The following HSD17B13 variants were observed in gnomAD, a reference collection of about 807,000 sequenced individuals.
HSD17B13 encodes hydroxysteroid 17-beta dehydrogenase 13.
A neutral mutation model predicts 31.1 loss-of-function variants in HSD17B13; 26 were observed. That is an observed-to-expected ratio of 0.84 (90% CI 0.61 to 1.16). The LOEUF is 1.16. Among genes scored for constraint, HSD17B13 ranks in the 50% most tolerant of loss-of-function variants. The probability of loss-of-function intolerance (pLI) is 0.00; values close to 1 mark genes in which losing one functional copy is unlikely to be tolerated. For synonymous variants in HSD17B13, 141 were observed against 133.7 expected (o/e 1.05, Z -0.38); for missense variants, 374 against 366.5 (o/e 1.02, Z -0.17).
At chr4:87,306,462 T>C (rs925471706) in intron 6 of HSD17B13, among the ~76,000 whole-genome samples, 3 of 152,194 alleles carry the variant, frequency 2.0e-5, no homozygotes, top group East Asian at 1.9e-4. Flanking sequence ...TAGGCTAAAA[T>C]GGTCATCTTA....
At chr4:87,310,492 G>T in intron 5 of HSD17B13, 133 bp from the exon 6 acceptor site, 1 of 1,060,488 alleles carries the variant, frequency 9.4e-7, no homozygotes, top group South Asian at 3.4e-5. Flanking sequence ...AGGATTTGCT[G>T]CATTAATGCC....
intron 5 of HSD17B13, among the ~76,000 whole-genome samples, chr4:87,312,254 T>C (rs1734545908): frequency 6.6e-6 from 1 of 152,190 alleles, no homozygotes; most frequent in African/African-American, 2.4e-5. Flanking sequence ...TATTGCATAC[T>C]TATTAAGTAC....
chr4:87,313,851 T>G lies in HSD17B13; in HGVS notation c.667A>C (p.Thr223Pro). 6.2e-7 allele frequency: 1 copy of G among 1,612,716 alleles called. No individual in the cohort carries two copies. The highest frequency in any genetic ancestry group is 8.5e-7 in the Non-Finnish European group (1 of 1,179,372). Residue 223 changes from threonine (T) to proline (P), a missense_variant, in exon 5 of 7, where the codon ACT becomes CCT. By Grantham distance (38) the Thr-to-Pro change is conservative. Coordinates refer to ENST00000328546, the MANE Select transcript of HSD17B13 (RefSeq NM_178135.5). ...TSCLCPVFVNTGFTKNPSTRL... is the reference protein window; with the variant it reads ...TSCLCPVFVNPGFTKNPSTRL... The stretch of plus-strand genomic sequence containing the variant: ...GTGCTTGGATTTTTGGTGAACCCAG[T>G]ATTCACAAAAACTGGGCAGAGACAT...
chr4:87,309,581 A>G (rs1045934763), intron 6 of HSD17B13, among the ~76,000 whole-genome samples: 1 of 152,122 alleles, frequency 6.6e-6, no homozygotes. Flanking sequence ...ATACTCCCCA[A>G]TTGCTCTATA....
chr4:87,317,562 A>ACTTTTTTTTTTTTT (rs1560750193), intron 2 of HSD17B13, among the ~76,000 whole-genome samples: 1 of 61,022 alleles, frequency 1.6e-5, no homozygotes, highest in African/African-American at 9.9e-5. Context: ...TTTTCTTTAA[A>ACTTTTTTTTTTTTT]CTTTTTTTTT....
intron 2 of HSD17B13, among the ~76,000 whole-genome samples, chr4:87,317,562 A>ATTTTTT (rs1560750190): frequency 1.6e-5 from 1 of 61,042 alleles, no homozygotes; most frequent in African/African-American, 9.8e-5. Flanking sequence ...TTTTCTTTAA[A>ATTTTTT]CTTTTTTTTT....
chr4:87,311,589 T>C (rs1395638152), intron 5 of HSD17B13, among the ~76,000 whole-genome samples: 1 of 152,152 alleles, frequency 6.6e-6, no homozygotes, highest in Non-Finnish European at 1.5e-5. Context: ...TGAGAAATAT[T>C]CATAAACATA....
chr4:87,316,664 C>T (rs761222677), intron 3 of HSD17B13, among the ~76,000 whole-genome samples: 8 of 152,196 alleles, frequency 5.3e-5, no homozygotes, highest in Middle Eastern at 3.2e-3. Flanking sequence ...ATCCTATATA[C>T]ATCCAAGTAA....
chr4:87,306,700 T>C (rs1734395426), intron 6 of HSD17B13, among the ~76,000 whole-genome samples: 1 of 150,366 alleles, frequency 6.7e-6, no homozygotes, highest in African/African-American at 2.5e-5. Flanking sequence ...AGGTCAGGAG[T>C]TCGAGACCAG....
At chr4:87,311,159 A>T (rs1256542233) in intron 5 of HSD17B13, among the ~76,000 whole-genome samples, 2 of 152,276 alleles carry the variant, frequency 1.3e-5, no homozygotes, top group African/African-American at 2.4e-5. Flanking sequence ...TATATGGCCT[A>T]AAAAGGGGAG....
chr4:87,321,172 GGT>G (rs1210557472), intron 1 of HSD17B13, among the ~76,000 whole-genome samples: 1 of 152,024 alleles, frequency 6.6e-6, no homozygotes, highest in African/African-American at 2.4e-5. Flanking sequence ...TGGGACTACG[GGT>G]GTGCACCCCC....
At chr4:87,321,416 A>G (rs1451672354) in intron 1 of HSD17B13, among the ~76,000 whole-genome samples, 1 of 152,224 alleles carries the variant, frequency 6.6e-6, no homozygotes, top group Non-Finnish European at 1.5e-5. Context: ...CTTAATAAAT[A>G]TAGCCCTTTC....
At chr4:87,320,663 A>G (rs1203680438) in intron 1 of HSD17B13, among the ~76,000 whole-genome samples, 2 of 152,226 alleles carry the variant, frequency 1.3e-5, no homozygotes, top group African/African-American at 4.8e-5. Context: ...CTGGGATTAC[A>G]GGCGTGAGCC....
chr4:87,310,761 T>G (rs1283246401), intron 5 of HSD17B13, among the ~76,000 whole-genome samples: 1 of 152,238 alleles, frequency 6.6e-6, no homozygotes, highest in East Asian at 1.9e-4. Flanking sequence ...ACTTTCTTTC[T>G]TGTGGAGGTA....
intron 1 of HSD17B13, among the ~76,000 whole-genome samples, chr4:87,319,309 C>A (rs1734728089): frequency 6.6e-6 from 1 of 152,152 alleles, no homozygotes; most frequent in African/African-American, 2.4e-5. Flanking sequence ...ACAAACAAAA[C>A]AAAACAAAAT....
chr4:87,305,269 C>T lies in HSD17B13; in HGVS notation c.852G>A (p.Met284Ile), dbSNP rs1734363747. 1.2e-6 allele frequency: 2 copies of T among 1,608,126 alleles called. No homozygotes were observed. The highest frequency in any genetic ancestry group is 1.7e-6 in the Non-Finnish European group (2 of 1,178,606). ...PERASAILNR[M>I]QNIQFEAVVG... ...CCACTGCTTCAAATTGAATATTCTG[C>T]ATACGATTTAAAATCGCTGAGGCGC... The change falls in exon 7 of 7, where the codon ATG (methionine) becomes ATA (isoleucine). Residue 284 changes from methionine to isoleucine, a missense_variant. Physicochemically the swap from Met to Ile is conservative, Grantham distance 10. Coordinates refer to ENST00000328546, the MANE Select transcript of HSD17B13 (RefSeq NM_178135.5).
In HSD17B13 at chr4:87,313,415, T is replaced by C. The variant is rs1299812921; in HGVS notation, c.695+408A>G. Among the ~76,000 whole-genome samples the C allele has an allele frequency of 2.0e-5, 3 of 152,328 alleles. 1 individual carries two copies. Among genetic ancestry groups the C allele is most frequent in the Admixed American group, 2.0e-4 (3 of 15,298 alleles). On this transcript the variant is annotated intron_variant, in intron 5 of 6. Coordinates refer to ENST00000328546, the MANE Select transcript of HSD17B13 (RefSeq NM_178135.5). ...TTATCCACACCTTCCTGCTTTTTTCTTCTCCTTTCAGGACTAATTTTTCTT... is the reference window on the plus strand; with the variant it reads ...TTATCCACACCTTCCTGCTTTTTTCCTCTCCTTTCAGGACTAATTTTTCTT...
chr4:87,316,608 T>C (rs963466442), intron 3 of HSD17B13, among the ~76,000 whole-genome samples: 1 of 152,238 alleles, frequency 6.6e-6, no homozygotes, highest in Admixed American at 6.5e-5. Flanking sequence ...CAGCACCCCA[T>C]GGATCTAGAA....
intron 5 of HSD17B13, 134 bp downstream of exon 5, chr4:87,313,689 T>C: frequency 1.6e-6 from 1 of 627,908 alleles, no homozygotes; most frequent in Non-Finnish European, 2.5e-6. Context: ...AATTTCAAGA[T>C]AATAATAATA....
Sources: allele counts gnomAD v4.1 joint callset (sites outside exome capture counted in the v4.1 genomes callset), GRCh38; gene constraint gnomAD v4.1.1; transcripts MANE v1.5; gene names NCBI Gene and HGNC (gene_info 2026-07-23, HGNC 2026-07-21).